GABRB2: variants seen among roughly 807,000 people sequenced by gnomAD.
GABRB2 encodes gamma-aminobutyric acid type A receptor subunit beta2, also known as gamma-aminobutyric acid receptor subunit beta-2.
A neutral mutation model predicts 54.7 loss-of-function variants in GABRB2; 16 were observed. The observed-to-expected ratio is 0.29, with a 90% CI of 0.20 to 0.44. The LOEUF (loss-of-function observed/expected upper bound fraction) is 0.44. GABRB2 is among the 20% of genes least tolerant of loss of function. The pLI is 1.00. For synonymous variants in GABRB2, 244 were observed against 233.8 expected, an observed-to-expected ratio of 1.04 and a Z score of -0.40; for missense variants, 355 against 644.0, an observed-to-expected ratio of 0.55 and a Z score of 4.86.
intron 9 of GABRB2, among the ~76,000 whole-genome samples, chr5:161,308,551 C>T (rs994986192): frequency 6.6e-6 from 1 of 152,142 alleles, no homozygotes; most frequent in Admixed American, 6.5e-5. Flanking sequence ...GCCCAAATAG[C>T]CAAGGCAATC....
At chr5:161,421,027 A>G (rs1211420183) in intron 4 of GABRB2, among the ~76,000 whole-genome samples, 1 of 152,138 alleles carries the variant, frequency 6.6e-6, no homozygotes, top group African/African-American at 2.4e-5. Flanking sequence ...ACCCAACTAA[A>G]GCAGCCCTCC....
intron 3 of GABRB2, among the ~76,000 whole-genome samples, chr5:161,530,100 T>C (rs951062871): frequency 6.6e-5 from 10 of 152,096 alleles, no homozygotes; most frequent in African/African-American, 2.4e-4. Flanking sequence ...TAGCGTTTGA[T>C]TGAATTGGGT....
intron 3 of GABRB2, among the ~76,000 whole-genome samples, chr5:161,497,713 A>G (rs1759301136): frequency 6.6e-6 from 1 of 152,052 alleles, no homozygotes; most frequent in South Asian, 2.1e-4. Flanking sequence ...CTACTTGTCC[A>G]CTCTGCCCTC....
At chr5:161,429,886 G>A (rs961456853) in intron 4 of GABRB2, among the ~76,000 whole-genome samples, 1 of 152,084 alleles carries the variant, frequency 6.6e-6, no homozygotes, top group Non-Finnish European at 1.5e-5. Flanking sequence ...TCTAGATAAG[G>A]TATCAATTTC....
chr5:161,545,888 A>T (rs1760969403), intron 2 of GABRB2, among the ~76,000 whole-genome samples: 2 of 152,186 alleles, frequency 1.3e-5, no homozygotes, highest in Non-Finnish European at 2.9e-5. Flanking sequence ...CCCTGGCCAG[A>T]AGAACTCTTC....
chr5:161,424,361 T>C (rs1196469249), intron 4 of GABRB2, among the ~76,000 whole-genome samples: 1 of 152,092 alleles, frequency 6.6e-6, no homozygotes, highest in Non-Finnish European at 1.5e-5. Flanking sequence ...CTGACCTTCT[T>C]GTTAAGGGCA....
At chr5:161,435,883 T>C (rs986744197) in intron 4 of GABRB2, among the ~76,000 whole-genome samples, 3 of 152,190 alleles carry the variant, frequency 2.0e-5, no homozygotes, top group Non-Finnish European at 2.9e-5. Context: ...TTTAAATTTA[T>C]AGATTTTGTT....
At chr5:161,313,898 T>C (rs760171371) in intron 9 of GABRB2, among the ~76,000 whole-genome samples, 1 of 152,238 alleles carries the variant, frequency 6.6e-6, no homozygotes, top group Non-Finnish European at 1.5e-5. Flanking sequence ...CTGCCCGTGC[T>C]CTTAACTGTT....
rs1757201312 is a variant in GABRB2 at position 161,290,299 on chromosome 5, T to C, written c.*3782A>G. The C allele has an allele frequency of 6.6e-6, 1 of 152,524 alleles. No individual in the cohort carries two copies. Among genetic ancestry groups the C allele is most frequent in the Non-Finnish European group, 1.5e-5 (1 of 67,988 alleles). 9.4% of individuals were successfully genotyped at this position (152,524 alleles called of 1,614,324 possible). A position where few individuals can be genotyped will look rare whatever the true frequency, so the allele number is the denominator to read the frequency against. On this transcript the variant is annotated 3_prime_UTR_variant, in exon 10 of 10. Transcript: ENST00000393959. ...GAATTTTTATCATTTTTCATTTTCT[T>C]AAGACATGTTTGTTTTTGACTCACC...
At chr5:161,476,596 A>G (rs921354567) in intron 3 of GABRB2, among the ~76,000 whole-genome samples, 2 of 151,856 alleles carry the variant, frequency 1.3e-5, no homozygotes, top group African/African-American at 4.8e-5. Flanking sequence ...ACACAAATGT[A>G]TGGCCAATGG....
chr5:161,459,132 C>T (rs191158821), intron 4 of GABRB2: 95 of 164,038 alleles, frequency 5.8e-4, no homozygotes, highest in East Asian at 4.1e-3. Flanking sequence ...GTATACATTT[C>T]CCATTAATAA....
At chr5:161,538,357 A>G (rs1044319464) in intron 3 of GABRB2, among the ~76,000 whole-genome samples, 1 of 152,206 alleles carries the variant, frequency 6.6e-6, no homozygotes, top group African/African-American at 2.4e-5. Flanking sequence ...TAAAATATAA[A>G]CCATTTGAAA....
Position 161,516,502 on chromosome 5 carries a change from A to G in GABRB2, c.237+28725T>C, listed in dbSNP as rs567977913. ...TACAGAAGATGGAAGTGAAGTTAAGAAAGGCAATGAAACTTCTCCAAAGAT... is the reference window on the plus strand; with the variant it reads ...TACAGAAGATGGAAGTGAAGTTAAGGAAGGCAATGAAACTTCTCCAAAGAT... On this transcript the variant is annotated intron_variant, in intron 3 of 9. Coordinates refer to ENST00000393959, the MANE Select transcript of GABRB2 (RefSeq NM_001371727.1). 5.9e-5 allele frequency among the ~76,000 whole-genome samples: 9 copies of G among 152,352 alleles called. No individual in the cohort carries two copies. The South Asian group carries it at 1.9e-3, about 32-fold the overall frequency.
chr5:161,485,671 C>G (rs1267786614), intron 3 of GABRB2, among the ~76,000 whole-genome samples: 3 of 151,928 alleles, frequency 2.0e-5, no homozygotes, highest in African/African-American at 7.2e-5. Flanking sequence ...TGGTACTGAC[C>G]TACCCCTTCT....
chr5:161,523,543 A>C (rs1384725723), intron 3 of GABRB2, among the ~76,000 whole-genome samples: 1 of 151,478 alleles, frequency 6.6e-6, no homozygotes, highest in Non-Finnish European at 1.5e-5. Context: ...GATGTAAGAA[A>C]GTTAAGGTTA....
intron 5 of GABRB2, among the ~76,000 whole-genome samples, chr5:161,372,137 T>A (rs1475318358): frequency 1.3e-5 from 2 of 152,200 alleles, no homozygotes; most frequent in Non-Finnish European, 2.9e-5. Context: ...GATCTGCAGA[T>A]GTGTTGCTCT....
chr5:161,498,967 T>C (rs1443009359), intron 3 of GABRB2, among the ~76,000 whole-genome samples: 1 of 152,182 alleles, frequency 6.6e-6, no homozygotes, highest in Non-Finnish European at 1.5e-5. Context: ...GCTACCTTTC[T>C]ACCCCCACGT....
At chr5:161,395,626 G>C (rs1755973309) in intron 5 of GABRB2, among the ~76,000 whole-genome samples, 1 of 152,120 alleles carries the variant, frequency 6.6e-6, no homozygotes, top group Non-Finnish European at 1.5e-5. Flanking sequence ...AATTAAGAAA[G>C]GCTTTGCTAA....
intron 3 of GABRB2, among the ~76,000 whole-genome samples, chr5:161,544,053 T>C (rs183158383): frequency 6.6e-6 from 1 of 152,192 alleles, no homozygotes; most frequent in East Asian, 1.9e-4. Context: ...CTTTAGACAG[T>C]GTATGAGGAC....
Sources: allele counts gnomAD v4.1 joint callset (sites outside exome capture counted in the v4.1 genomes callset), GRCh38; gene constraint gnomAD v4.1.1; transcripts MANE v1.5; gene names NCBI Gene and HGNC (gene_info 2026-07-23, HGNC 2026-07-21).